Variants in FKBP15 observed in about 807,000 individuals in gnomAD.
FKBP15 encodes FKBP prolyl isomerase family member 15.
Under a neutral mutation model 158.1 loss-of-function variants are expected in FKBP15, and 106 were observed. The ratio of observed to expected loss-of-function variants is 0.67; its 90% CI spans 0.57 to 0.79. The LOEUF (loss-of-function observed/expected upper bound fraction) is 0.79. Ranked by LOEUF, FKBP15 falls within the 30% of genes least tolerant of loss-of-function variation. The probability of loss-of-function intolerance (pLI) is 0.00; values close to 1 mark genes in which losing one functional copy is unlikely to be tolerated. For missense variants in FKBP15, 1,287 were observed against 1,479.1 expected (o/e 0.87, Z 2.13); for synonymous variants, 547 against 548.6 (o/e 1.00, Z 0.04).
At chr9:113,176,427 C>T in intron 21 of FKBP15, 110 bp downstream of exon 21, 1 of 1,269,154 alleles carries the variant, frequency 7.9e-7, no homozygotes, top group Non-Finnish European at 1.1e-6. Flanking sequence ...TTACACTTTT[C>T]TATATTATTT....
Position 113,161,648 on chromosome 9 carries a change from C to T in FKBP15, c.*4430G>A, listed in dbSNP as rs778403265. The T allele has an allele frequency of 2.0e-5, 33 of 1,613,896 alleles. No homozygotes were observed. Among genetic ancestry groups the T allele is most frequent in the East Asian group, 2.0e-4 (9 of 44,894 alleles). On this transcript the variant is annotated 3_prime_UTR_variant, in exon 28 of 28. Coordinates refer to ENST00000238256, the MANE Select transcript of FKBP15 (RefSeq NM_015258.2). ...GCCAGCAGACCATCGCAGAGACAGA[C>T]GGGGACTCTGCAGGCTCAGATTCAT...
In FKBP15 at chr9:113,169,734, A is replaced by C. The variant is rs1830170385; in HGVS notation, c.2975T>G (p.Val992Gly). ...VPSEQVVEEAVPLPPQALTTS... is the reference protein window; with the variant it reads ...VPSEQVVEEAGPLPPQALTTS... The stretch of plus-strand genomic sequence containing the variant: ...GGTGAGGGCCTGAGGAGGCAACGGG[A>C]CAGCTTCCTCGACCACCTGCTCTGA... The change falls in exon 26 of 28, where the codon GTC becomes GGC. Residue 992 changes from valine (V) to glycine (G), a missense_variant. Transcript: ENST00000238256. 6.2e-6 allele frequency: 10 copies of C among 1,613,182 alleles called. No homozygotes were observed. Among genetic ancestry groups the C allele is most frequent in the Non-Finnish European group, 8.5e-6 (10 of 1,179,572 alleles).
chr9:113,169,076 G>T, intron 26 of FKBP15, 148 bp downstream of exon 26: 1 of 1,158,802 alleles, frequency 8.6e-7, no homozygotes, highest in Non-Finnish European at 1.2e-6. Context: ...CTTGTACATG[G>T]TAGGTGTTGT....
chr9:113,184,299 A>T lies in FKBP15; in HGVS notation c.1709T>A (p.Ile570Asn). ...GTTCTTAATCACCCTCACCTGAATGATTCGCTGGATGTTGCTCATAATCAT... is the reference window on the plus strand; with the variant it reads ...GTTCTTAATCACCCTCACCTGAATGTTTCGCTGGATGTTGCTCATAATCAT... ...TSMIMSNIQR[I>N]IQENERLKQE... The change falls in exon 17 of 28, where the codon ATC becomes AAC. Residue 570 changes from isoleucine (I) to asparagine (N), a missense_variant. Coordinates refer to ENST00000238256, the MANE Select transcript of FKBP15 (RefSeq NM_015258.2). This position sits in a 1 kb window ranked among gnomAD's most constrained non-coding sequence, Gnocchi z 4.5. The T allele has an allele frequency of 3.1e-6, 5 of 1,594,172 alleles. No individual in the cohort carries two copies. The highest frequency in any genetic ancestry group is 4.3e-6 in the Non-Finnish European group (5 of 1,168,828).
At chr9:113,202,478 G>A in intron 6 of FKBP15, 53 bp downstream of exon 6, 2 of 1,319,948 alleles carry the variant, frequency 1.5e-6, no homozygotes, top group Non-Finnish European at 2.1e-6. Flanking sequence ...TAAAATTAAG[G>A]GAAATCCAAA....
At chr9:113,183,237 G>A (rs1202480449) in intron 18 of FKBP15, among the ~76,000 whole-genome samples, 1 of 152,098 alleles carries the variant, frequency 6.6e-6, no homozygotes, top group Admixed American at 6.6e-5. Flanking sequence ...GAGAAATATG[G>A]GAGAATGATT....
chr9:113,206,704 G>A (rs1252094453), intron 3 of FKBP15, 126 bp from the exon 4 acceptor site: 10 of 557,164 alleles, frequency 1.8e-5, no homozygotes, highest in East Asian at 1.5e-4. Context: ...ACAGGTGAGC[G>A]GTTTAAAATT....
chr9:113,169,143 G>T, intron 26 of FKBP15, 81 bp downstream of exon 26: 1 of 1,490,044 alleles, frequency 6.7e-7, no homozygotes, highest in Non-Finnish European at 8.9e-7. Flanking sequence ...TCTGAGGGAT[G>T]AGTTGCCAGC....
intron 13 of FKBP15, 127 bp downstream of exon 13, chr9:113,188,262 C>CACACTCTTACATTT: frequency 1.4e-6 from 1 of 735,158 alleles, no homozygotes. Context: ...TGACAAGCGT[C>CACACTCTTACATTT]ACACTCTTAC....
In FKBP15 at chr9:113,169,800, G is replaced by A; in HGVS notation, c.2909C>T (p.Ala970Val). 6.3e-7 allele frequency: 1 copy of A among 1,580,158 alleles called. No individual in the cohort carries two copies. Among genetic ancestry groups the A allele is most frequent in the South Asian group, 1.2e-5 (1 of 86,742 alleles). Residue 970 changes from alanine (A) to valine (V), a missense_variant, in exon 26 of 28, where the codon GCA becomes GTA. Physicochemically the swap from Ala to Val is moderately conservative, Grantham distance 64. Transcript: ENST00000238256. ...SASASSGQPQAPLNRERPESP... is the reference protein window; with the variant it reads ...SASASSGQPQVPLNRERPESP... Reference sequence around the variant, plus strand: ...CTCTGGCCTCTCCCTATTCAGGGGTGCTTGAGGCTGCCCAGAACTGGCTGA... The same window carrying A: ...CTCTGGCCTCTCCCTATTCAGGGGTACTTGAGGCTGCCCAGAACTGGCTGA...
chr9:113,170,194 T>G (rs1368159158), intron 25 of FKBP15, among the ~76,000 whole-genome samples: 2 of 152,114 alleles, frequency 1.3e-5, no homozygotes, highest in Non-Finnish European at 2.9e-5. Flanking sequence ...GGGGCAATCA[T>G]GGCTCACTGT....
In FKBP15 at chr9:113,164,363, ATTCT is replaced by A. The variant is rs1366443146; in HGVS notation, c.*1711_*1714del. 6.6e-6 allele frequency: 1 copy of A among 152,242 alleles called. No individual in the cohort carries two copies. The highest frequency in any genetic ancestry group is 1.5e-5 in the Non-Finnish European group (1 of 68,040). The allele number at this position is 152,242 out of a possible 1,614,324, so 9.4% of individuals were successfully genotyped here. On this transcript the variant is annotated 3_prime_UTR_variant, in exon 28 of 28. Transcript: ENST00000238256. Reference sequence around the variant, plus strand: ...AATGCCAACTGAGGCAAGTCAAGTCATTCTTCATTCATGTAACAAGTATTAATTG... The same window carrying A: ...AATGCCAACTGAGGCAAGTCAAGTCATCATTCATGTAACAAGTATTAATTG...
At chr9:113,190,171 G>A (rs958961316) in intron 12 of FKBP15, among the ~76,000 whole-genome samples, 2 of 152,186 alleles carry the variant, frequency 1.3e-5, no homozygotes, top group African/African-American at 4.8e-5. Flanking sequence ...GCTATGGATT[G>A]GGCATCATGC....
chr9:113,192,314 G>A (rs16926542), intron 11 of FKBP15, among the ~76,000 whole-genome samples: 1,918 of 152,328 alleles, frequency 0.013, 45 homozygotes, highest in African/African-American at 0.043. Context: ...GGGTTGCAGA[G>A]ATATTAGCAC....
intron 1 of FKBP15, among the ~76,000 whole-genome samples, chr9:113,218,212 C>A (rs578109873): frequency 4.0e-4 from 61 of 151,980 alleles, no homozygotes; most frequent in African/African-American, 1.4e-3. Context: ...ATAATAACAA[C>A]AATAGCACAT....
chr9:113,209,529 G>T (rs957938859), intron 2 of FKBP15, among the ~76,000 whole-genome samples: 5 of 152,206 alleles, frequency 3.3e-5, no homozygotes, highest in African/African-American at 1.2e-4. Context: ...TTAAAGCAGG[G>T]ATCGGCAAAC....
intron 18 of FKBP15, among the ~76,000 whole-genome samples, chr9:113,183,506 C>G (rs187669740): frequency 6.6e-6 from 1 of 152,078 alleles, no homozygotes; most frequent in Admixed American, 6.5e-5. Context: ...ATAACATGCC[C>G]AGAGCCACAG....
Position 113,199,957 on chromosome 9 carries a change from T to C in FKBP15, c.505A>G (p.Ile169Val), listed in dbSNP as rs770333133. ...AAVEFNKQVC[I>V]AKCNSTSSLD... Reference sequence around the variant, plus strand: ...GAAGAGGTACTGTTGCACTTAGCAATGCACACCTGCAAGACAAAATCAAAG... The same window carrying C: ...GAAGAGGTACTGTTGCACTTAGCAACGCACACCTGCAAGACAAAATCAAAG... Residue 169 changes from isoleucine to valine, a missense_variant, in exon 7 of 28, where the codon ATT (isoleucine) becomes GTT (valine). By Grantham distance (29) the Ile-to-Val change is conservative (BLOSUM62 3). Coordinates refer to ENST00000238256, the MANE Select transcript of FKBP15 (RefSeq NM_015258.2). 6.2e-7 allele frequency: 1 copy of C among 1,611,002 alleles called. No homozygotes were observed.
intron 11 of FKBP15, among the ~76,000 whole-genome samples, chr9:113,192,689 C>T (rs12236187): frequency 0.3 from 45,338 of 151,984 alleles, 6,972 homozygotes; most frequent in Non-Finnish European, 0.33. Context: ...GTTTACTGAG[C>T]GCTTACAATA....
Sources: gnomAD v4.1 joint callset for allele counts (sites outside exome capture counted in the v4.1 genomes callset) on GRCh38, gnomAD v4.1.1 for gene constraint, Gnocchi (gnomAD v3.1) non-coding constraint, MANE v1.5 for transcripts, NCBI Gene and HGNC (gene_info 2026-07-23, HGNC 2026-07-21) for gene names.